Variants in ADGRV1 observed in about 807,000 individuals in gnomAD.
The protein encoded by ADGRV1 is adhesion G protein-coupled receptor V1, also known as G-protein coupled receptor 98.
ADGRV1 carries 359 observed loss-of-function variants against 596.2 expected under a neutral mutation model. That is an observed-to-expected ratio of 0.60 (90% CI 0.55 to 0.66). ADGRV1 has a LOEUF of 0.66. Ranked by LOEUF, ADGRV1 falls within the 30% of genes least tolerant of loss-of-function variation. ADGRV1 has a pLI of 0.00. For missense variants in ADGRV1, 7,274 were observed against 7,575.6 expected (o/e 0.96, Z 1.48); for synonymous variants, 2,681 against 2,679.2 (o/e 1.00, Z -0.02).
At chr5:90,596,157 G>A (rs1364543299) in intron 1 of ADGRV1, among the ~76,000 whole-genome samples, 1 of 145,234 alleles carries the variant, frequency 6.9e-6, no homozygotes, top group Non-Finnish European at 1.5e-5. Context: ...AGACAGGGCG[G>A]CGGGGCAGAG....
At chr5:91,075,551 A>G (rs947755472) in intron 86 of ADGRV1, among the ~76,000 whole-genome samples, 54 of 152,160 alleles carry the variant, frequency 3.5e-4, no homozygotes, top group African/African-American at 1.3e-3. Flanking sequence ...CTCTCTTGCA[A>G]TAAAATGTGA....
At chr5:90,583,520 T>A (rs1758342939) in intron 1 of ADGRV1, among the ~76,000 whole-genome samples, 1 of 152,164 alleles carries the variant, frequency 6.6e-6, no homozygotes, top group Non-Finnish European at 1.5e-5. Flanking sequence ...CTCTTCTAGC[T>A]ACCAAAAACT....
intron 83 of ADGRV1, among the ~76,000 whole-genome samples, chr5:90,896,225 C>A (rs898359798): frequency 8.2e-5 from 12 of 145,878 alleles, no homozygotes; most frequent in African/African-American, 2.5e-4. Context: ...CTGAAATAAT[C>A]AGATTTTAAA....
intron 28 of ADGRV1, among the ~76,000 whole-genome samples, chr5:90,685,302 G>C (rs1745458536): frequency 6.6e-6 from 1 of 152,104 alleles, no homozygotes; most frequent in African/African-American, 2.4e-5. Context: ...AAATAGTAGG[G>C]CTGGGCGCGG....
rs1278982856 is a variant in ADGRV1, at chr5:90,569,933, T to G, written c.22+11016T>G. Among the ~76,000 whole-genome samples, 3 of 152,136 alleles carry G rather than the reference T, an allele frequency of 2.0e-5. No individual in the cohort carries two copies. In the East Asian group the frequency reaches 5.8e-4, roughly 29 times the overall value. On this transcript the variant is annotated intron_variant, in intron 1 of 89. Transcript: ENST00000405460. The stretch of plus-strand genomic sequence containing the variant: ...CTCTTTAGCACAAATCTATTATTAT[T>G]GCTTTATGTAGTTGTCTTTTCAATC...
At chr5:90,963,473 G>A (rs929625969) in intron 83 of ADGRV1, among the ~76,000 whole-genome samples, 3 of 151,934 alleles carry the variant, frequency 2.0e-5, no homozygotes, top group Admixed American at 6.5e-5. Context: ...TGAATTTGTG[G>A]ACTTTTTTTT....
At chr5:91,023,830 ATTATTTTTGTTT>A (rs1467429932) in intron 85 of ADGRV1, among the ~76,000 whole-genome samples, 1 of 152,114 alleles carries the variant, frequency 6.6e-6, no homozygotes, top group Non-Finnish European at 1.5e-5. Context: ...CTTCTAAAAT[ATTATTTTTGTTT>A]ATTTTTAGGA....
At chr5:90,648,672 T>G (rs918996641) in intron 17 of ADGRV1, among the ~76,000 whole-genome samples, 8 of 152,202 alleles carry the variant, frequency 5.3e-5, no homozygotes, top group Non-Finnish European at 1.5e-5. Flanking sequence ...TTTGACTTTC[T>G]TCATTGCTGT....
chr5:90,690,991 C>G lies in ADGRV1; in HGVS notation c.6901C>G (p.Gln2301Glu), dbSNP rs121909762. ...NVTFAPGETI[Q>E]TLLLEVLADD... The stretch of plus-strand genomic sequence containing the variant: ...GACCTTTGCCCCTGGGGAAACCATT[C>G]AAACCTTGTTGTTAGAGGTCCTGGC... Residue 2301 changes from glutamine (Q) to glutamate (E), a missense_variant, in exon 31 of 90, where the codon CAA becomes GAA. Physicochemically the swap from Gln to Glu is conservative, Grantham distance 29. Around this residue, in one of 5 missense-constraint regions of ADGRV1, gnomAD observed 3,643 missense variants for 3,809.2 expected, o/e 0.96. Coordinates refer to ENST00000405460, the MANE Select transcript of ADGRV1 (RefSeq NM_032119.4). 1 of 1,613,788 alleles carries G rather than the reference C, an allele frequency of 6.2e-7. No individual in the cohort carries two copies. The highest frequency in any genetic ancestry group is 8.5e-7 in the Non-Finnish European group (1 of 1,179,760).
intron 71 of ADGRV1, among the ~76,000 whole-genome samples, chr5:90,803,164 A>C (rs1008312827): frequency 5.9e-5 from 9 of 152,014 alleles, no homozygotes; most frequent in African/African-American, 9.7e-5. Context: ...ATAATGAAGC[A>C]CTAATATTCC....
At chr5:90,601,284 T>G (rs1761379393) in intron 1 of ADGRV1, among the ~76,000 whole-genome samples, 1 of 151,780 alleles carries the variant, frequency 6.6e-6, no homozygotes, top group African/African-American at 2.4e-5. Context: ...TAAATAAGCC[T>G]TGTGTTAAAT....
At chr5:90,967,550 G>A (rs1022610943) in intron 84 of ADGRV1, among the ~76,000 whole-genome samples, 1 of 152,044 alleles carries the variant, frequency 6.6e-6, no homozygotes, top group African/African-American at 2.4e-5. Flanking sequence ...TGCCTGTATT[G>A]AGGTCCCCAG....
At chr5:90,644,114 G>GA (rs1767375812) in intron 14 of ADGRV1, 131 bp downstream of exon 14, 2 of 618,188 alleles carry the variant, frequency 3.2e-6, no homozygotes, top group Non-Finnish European at 5.3e-6. Flanking sequence ...TAGTGCGGAA[G>GA]TTTTTTTTAG....
At chr5:90,715,496 A>G (rs757193699) in intron 42 of ADGRV1, among the ~76,000 whole-genome samples, 4 of 152,176 alleles carry the variant, frequency 2.6e-5, no homozygotes, top group Non-Finnish European at 5.9e-5. Flanking sequence ...GCAAATAGGA[A>G]CTGCTGCAGG....
At chr5:91,155,527 T>C (rs1343371663) in intron 89 of ADGRV1, among the ~76,000 whole-genome samples, 1 of 152,150 alleles carries the variant, frequency 6.6e-6, no homozygotes, top group Non-Finnish European at 1.5e-5. Context: ...AATGGGAGGA[T>C]CCCTGACCCA....
chr5:90,807,667 G>A lies in ADGRV1; in HGVS notation c.14902G>A (p.Gly4968Ser). The change falls in exon 73 of 90, where the codon GGT (glycine) becomes AGT (serine). Residue 4968 changes from glycine (G) to serine (S), a missense_variant. This residue lies in a region of ADGRV1 where 1,874 missense variants were observed against 1,970.2 expected (regional missense o/e 0.95). Coordinates refer to ENST00000405460, the MANE Select transcript of ADGRV1 (RefSeq NM_032119.4). Reference sequence around the variant, plus strand: ...TTTCCTGTGGACGTTTCCTAGCCCTGGTTGGCCAGAGGCCTTTGTTCTTCA... The same window carrying A: ...TTTCCTGTGGACGTTTCCTAGCCCTAGTTGGCCAGAGGCCTTTGTTCTTCA... ...GVFLWTFPSP[G>S]WPEAFVLHLS... The A allele has an allele frequency of 2.5e-6, 4 of 1,612,574 alleles. No homozygotes were observed. Among genetic ancestry groups the A allele is most frequent in the Non-Finnish European group, 3.4e-6 (4 of 1,178,814 alleles).
At chr5:90,821,889 C>T (rs1291105813) in intron 75 of ADGRV1, among the ~76,000 whole-genome samples, 2 of 152,178 alleles carry the variant, frequency 1.3e-5, no homozygotes, top group East Asian at 1.9e-4. Flanking sequence ...GCCCTGCCCC[C>T]AGAGGTGGAG....
chr5:90,690,873 T>C lies in ADGRV1; in HGVS notation c.6783T>C (p.Asn2261=), dbSNP rs1295924208. The part of the protein sequence containing the change: ...SVKVNLPIIR[N]SGTLGNVTVQ... ...AGGTAAACCTGCCAATAATTCGAAATTCTGGGACACTCGGCAATGTTACTG... is the reference window on the plus strand; with the variant it reads ...AGGTAAACCTGCCAATAATTCGAAACTCTGGGACACTCGGCAATGTTACTG... The change falls in exon 31 of 90, where the codon AAT becomes AAC. Residue 2261 remains asparagine (N), a synonymous_variant. Coordinates refer to ENST00000405460, the MANE Select transcript of ADGRV1 (RefSeq NM_032119.4). 1 of 1,612,898 alleles carries C rather than the reference T, an allele frequency of 6.2e-7. No homozygotes were observed. The highest frequency in any genetic ancestry group is 1.7e-5 in the Admixed American group (1 of 59,768).
chr5:91,022,992 A>G (rs1385447475), intron 85 of ADGRV1, among the ~76,000 whole-genome samples: 2 of 152,154 alleles, frequency 1.3e-5, no homozygotes, highest in Non-Finnish European at 2.9e-5. Context: ...TTGGGATCCT[A>G]TGGATCTTTC....
Sources: gnomAD v4.1 joint callset for allele counts (sites outside exome capture counted in the v4.1 genomes callset) on GRCh38, gnomAD v4.1.1 for gene constraint, gnomAD v4.1.1 regional missense constraint, MANE v1.5 for transcripts, NCBI Gene and HGNC (gene_info 2026-07-23, HGNC 2026-07-21) for gene names.